SLC7A11: variants seen among roughly 807,000 people sequenced by gnomAD.
SLC7A11 encodes cystine/glutamate transporter.
Under a neutral mutation model 54.5 loss-of-function variants are expected in SLC7A11, and 35 were observed. The ratio of observed to expected loss-of-function variants is 0.64; its 90% CI spans 0.49 to 0.85. The LOEUF (loss-of-function observed/expected upper bound fraction) is 0.85. Ranked by LOEUF, SLC7A11 falls within the 40% of genes least tolerant of loss-of-function variation. The probability of loss-of-function intolerance (pLI) is 0.00; values close to 1 mark genes in which losing one functional copy is unlikely to be tolerated. For missense variants in SLC7A11, 583 were observed against 618.1 expected, an observed-to-expected ratio of 0.94 and a Z score of 0.60; for synonymous variants, 230 against 225.2, an observed-to-expected ratio of 1.02 and a Z score of -0.19.
At chr4:138,223,880 C>A (rs1169037058) in intron 3 of SLC7A11, among the ~76,000 whole-genome samples, 1 of 152,112 alleles carries the variant, frequency 6.6e-6, no homozygotes, top group Non-Finnish European at 1.5e-5. Flanking sequence ...CGACTTTCAA[C>A]CCACCGTACA....
intron 11 of SLC7A11, among the ~76,000 whole-genome samples, chr4:138,174,225 C>T (rs941950899): frequency 3.9e-5 from 6 of 152,152 alleles, no homozygotes; most frequent in African/African-American, 7.2e-5. Flanking sequence ...ATCTTGCTTC[C>T]GCATGTCATA....
At chr4:138,205,858 G>C (rs79541059) in intron 6 of SLC7A11, among the ~76,000 whole-genome samples, 8 of 152,066 alleles carry the variant, frequency 5.3e-5, no homozygotes, top group Non-Finnish European at 1.0e-4. Context: ...CAGATAACAG[G>C]GTTCCAACTC....
At chr4:138,172,965 T>C (rs984877922) in intron 11 of SLC7A11, among the ~76,000 whole-genome samples, 12 of 152,122 alleles carry the variant, frequency 7.9e-5, no homozygotes, top group African/African-American at 2.9e-4. Context: ...TGCCTCAGCC[T>C]CCCAAGTAGC....
intron 10 of SLC7A11, 130 bp from the exon 11 acceptor site, chr4:138,179,524 C>A: frequency 1.5e-6 from 1 of 675,118 alleles, no homozygotes; most frequent in Non-Finnish European, 2.5e-6. Context: ...GTAACAGGCA[C>A]CAACGTGCCT....
chr4:138,217,040 C>T (rs913703448), intron 5 of SLC7A11, among the ~76,000 whole-genome samples: 1 of 152,122 alleles, frequency 6.6e-6, no homozygotes, highest in Non-Finnish European at 1.5e-5. Flanking sequence ...CCTCTAGAAC[C>T]CCACACCAAC....
chr4:138,179,684 G>GAATT (rs1319360894), intron 10 of SLC7A11, among the ~76,000 whole-genome samples: 2 of 152,186 alleles, frequency 1.3e-5, no homozygotes, highest in Admixed American at 1.3e-4. Flanking sequence ...TGTTCTGTTG[G>GAATT]AATTATTTTA....
intron 6 of SLC7A11, among the ~76,000 whole-genome samples, chr4:138,209,926 A>G (rs2148435349): frequency 6.6e-6 from 1 of 152,072 alleles, no homozygotes; most frequent in South Asian, 2.1e-4. Flanking sequence ...AAAAGAGCCT[A>G]AATAGGCAAA....
rs181289260 is a variant in SLC7A11 at position 138,232,243 on chromosome 4, C to G, written c.520+24G>C. On this transcript the variant is annotated intron_variant, in intron 3 of 11. Coordinates refer to ENST00000280612, the MANE Select transcript of SLC7A11 (RefSeq NM_014331.4). Reference sequence around the variant, plus strand: ...CATTTTTGTGTTGTTTTTCCTTTTTCACATATATAGCTATAATACTCACTT... The same window carrying G: ...CATTTTTGTGTTGTTTTTCCTTTTTGACATATATAGCTATAATACTCACTT... 2.1e-5 allele frequency: 30 copies of G among 1,421,770 alleles called. No homozygotes were observed. The East Asian group carries it at 6.8e-4, about 32-fold the overall frequency. 88.1% of individuals were successfully genotyped at this position (1,421,770 alleles called of 1,614,324 possible). A position where few individuals can be genotyped will look rare whatever the true frequency, so the allele number is the denominator to read the frequency against.
intron 2 of SLC7A11, among the ~76,000 whole-genome samples, chr4:138,235,425 T>C (rs2148455775): frequency 6.6e-6 from 1 of 152,142 alleles, no homozygotes; most frequent in South Asian, 2.1e-4. Flanking sequence ...AAAAGACTTC[T>C]AACACTGTAA....
At chr4:138,228,111 A>AT (rs1003323018) in intron 3 of SLC7A11, among the ~76,000 whole-genome samples, 9 of 152,126 alleles carry the variant, frequency 5.9e-5, no homozygotes, top group Non-Finnish European at 1.2e-4. Flanking sequence ...GAACTGGGTA[A>AT]TTTTTTTCAC....
chr4:138,172,003 T>C lies in SLC7A11; in HGVS notation c.1459A>G (p.Thr487Ala). 1 of 1,595,374 alleles carries C rather than the reference T, an allele frequency of 6.3e-7. No homozygotes were observed. The highest frequency in any genetic ancestry group is 8.5e-7 in the Non-Finnish European group (1 of 1,173,886). The change falls in exon 12 of 12, where the codon ACA (threonine) becomes GCA (alanine). Residue 487 changes from threonine to alanine, a missense_variant. Coordinates refer to ENST00000280612, the MANE Select transcript of SLC7A11 (RefSeq NM_014331.4). Reference sequence around the variant, plus strand: ...ACAACTTCCAGTATTATTTGTAATGTTCTGGTTATTTTCTCTACAAAGAAA... The same window carrying C: ...ACAACTTCCAGTATTATTTGTAATGCTCTGGTTATTTTCTCTACAAAGAAA... ...FRIMSEKITR[T>A]LQIILEVVPE...
Position 138,242,048 on chromosome 4 carries a change from A to T in SLC7A11, c.22T>A (p.Ser8Thr), listed in dbSNP as rs773906836. MVRKPVV[S>T]TISKGGYLQG... ...AGGTAACCTCCTTTGGAGATGGTGG[A>T]CACAACAGGCTTTCTGACCATAGTA... Residue 8 changes from serine (S) to threonine (T), a missense_variant, in exon 1 of 12, where the codon TCC becomes ACC. Coordinates refer to ENST00000280612, the MANE Select transcript of SLC7A11 (RefSeq NM_014331.4). The T allele has an allele frequency of 1.2e-6, 2 of 1,614,058 alleles. No individual in the cohort carries two copies. The highest frequency in any genetic ancestry group is 1.7e-6 in the Non-Finnish European group (2 of 1,179,938).
Position 138,223,231 on chromosome 4 carries a change from A to G in SLC7A11, c.614T>C (p.Ile205Thr). 6.2e-7 allele frequency: 1 copy of G among 1,613,622 alleles called. No homozygotes were observed. The highest frequency in any genetic ancestry group is 8.5e-7 in the Non-Finnish European group (1 of 1,179,550). Residue 205 changes from isoleucine (I) to threonine (T), a missense_variant, in exon 4 of 12, where the codon ATT (isoleucine) becomes ACT (threonine). Coordinates refer to ENST00000280612, the MANE Select transcript of SLC7A11 (RefSeq NM_014331.4). ...TFCKLTAILI[I>T]IVPGVMQLIK... ...TAGCTGCATAACTCCAGGGACTATA[A>G]TTATCAGAATTGCTGTGAGCTTGCA...
chr4:138,228,023 C>T (rs1356446494), intron 3 of SLC7A11, among the ~76,000 whole-genome samples: 1 of 152,074 alleles, frequency 6.6e-6, no homozygotes. Flanking sequence ...CAGAAATAGT[C>T]CTAGATTTTC....
In SLC7A11 at chr4:138,182,380, CAACATAGAAT is replaced by C; in HGVS notation, c.1023_1032del (p.Phe342ArgfsTer13). ...TCTGGAAGGTGACCCTCTCGAGACG[CAACATAGAAT>C]AACCTGATGGGAGAGAAATGTGGGT... On this transcript the variant is annotated frameshift_variant, in exon 9 of 12. Coordinates refer to ENST00000280612, the MANE Select transcript of SLC7A11 (RefSeq NM_014331.4). LOFTEE classifies it high-confidence loss of function. 1 of 1,606,284 alleles carries C rather than the reference CAACATAGAAT, an allele frequency of 6.2e-7. No homozygotes were observed. The highest frequency in any genetic ancestry group is 1.1e-5 in the South Asian group (1 of 90,884).
chr4:138,214,514 T>C, intron 6 of SLC7A11, 71 bp downstream of exon 6: 1 of 834,046 alleles, frequency 1.2e-6, no homozygotes, highest in Non-Finnish European at 1.9e-6. Context: ...CTTCTTCAAG[T>C]CTGCTTTTTA....
At position 138,223,225 on chromosome 4, in the gene SLC7A11, A is replaced by T. The variant is rs1221027690; in HGVS notation, c.620T>A (p.Val207Asp). 6 of 1,613,416 alleles carry T rather than the reference A, an allele frequency of 3.7e-6. No individual in the cohort carries two copies. Among genetic ancestry groups the T allele is most frequent in the Non-Finnish European group, 5.1e-6 (6 of 1,179,516 alleles). ...CKLTAILIII[V>D]PGVMQLIKGQ... The stretch of plus-strand genomic sequence containing the variant: ...TTTAATTAGCTGCATAACTCCAGGG[A>T]CTATAATTATCAGAATTGCTGTGAG... Residue 207 changes from valine to aspartate, a missense_variant, in exon 4 of 12, where the codon GTC becomes GAC. Physicochemically the swap from Val to Asp is radical, Grantham distance 152. Coordinates refer to ENST00000280612, the MANE Select transcript of SLC7A11 (RefSeq NM_014331.4).
intron 3 of SLC7A11, 136 bp from the exon 4 acceptor site, chr4:138,223,460 C>T (rs1737866305): frequency 4.5e-6 from 4 of 883,328 alleles, no homozygotes; most frequent in Non-Finnish European, 6.9e-6. Context: ...AATGCAGAAT[C>T]TCAGGCTCTG....
chr4:138,238,422 T>G (rs1366538690), intron 1 of SLC7A11, among the ~76,000 whole-genome samples: 2 of 152,160 alleles, frequency 1.3e-5, no homozygotes, highest in African/African-American at 4.8e-5. Flanking sequence ...AGAACACAAT[T>G]TTTTTCCAAT....
Sources: allele counts gnomAD v4.1 joint callset (sites outside exome capture counted in the v4.1 genomes callset), GRCh38; gene constraint gnomAD v4.1.1; transcripts MANE v1.5; gene names NCBI Gene and HGNC (gene_info 2026-07-23, HGNC 2026-07-21).